The following CRABP1 variants were observed in gnomAD, a reference collection of about 807,000 sequenced individuals.
CRABP1 encodes the protein cellular retinoic acid binding protein 1.
Under a neutral mutation model 16.4 loss-of-function variants are expected in CRABP1, and 9 were observed. The observed-to-expected ratio is 0.55, with a 90% CI of 0.33 to 0.96. The LOEUF (loss-of-function observed/expected upper bound fraction) is 0.96, where lower values mean the gene tolerates loss of function less well. Ranked by LOEUF, CRABP1 falls within the 40% of genes least tolerant of loss-of-function variation. The probability of loss-of-function intolerance (pLI) is 0.03; values close to 1 mark genes in which losing one functional copy is unlikely to be tolerated. For synonymous variants in CRABP1, 72 were observed against 70.4 expected, an observed-to-expected ratio of 1.02 and a Z score of -0.11; for missense variants, 157 against 186.0, an observed-to-expected ratio of 0.84 and a Z score of 0.91.
intron 3 of CRABP1, 77 bp from the exon 4 acceptor site, chr15:78,347,850 C>A: frequency 1.5e-6 from 2 of 1,320,554 alleles, no homozygotes; most frequent in Admixed American, 1.7e-5. Context: ...CAATAAGTGG[C>A]CTTATTAGTG....
chr15:78,341,090 C>T lies in CRABP1; in HGVS notation c.118C>T (p.Pro40Ser). The change falls in exon 2 of 4, where the codon CCG becomes TCG. Residue 40 changes from proline to serine, a missense_variant. Physicochemically the swap from Pro to Ser is moderately conservative, Grantham distance 74 (BLOSUM62 -1). Coordinates refer to ENST00000299529, the MANE Select transcript of CRABP1 (RefSeq NM_004378.3). The surrounding 1 kb of genome is among the most constrained non-coding windows in gnomAD (Gnocchi z 5.3). ...RKVAVAAASK[P>S]HVEIRQDGDQ... ...AGTGGCCGTAGCGGCTGCGTCCAAG[C>T]CGCACGTGGAGATCCGCCAGGACGG... The T allele has an allele frequency of 6.2e-7, 1 of 1,612,250 alleles. No individual in the cohort carries two copies. The highest frequency in any genetic ancestry group is 8.5e-7 in the Non-Finnish European group (1 of 1,179,878).
chr15:78,343,562 G>A lies in CRABP1; in HGVS notation c.313G>A (p.Gly105Ser), dbSNP rs748886054. ...CACGCAAACTCTTCTTGAAGGGGACGGCCCCAAAACCTACTGGACCCGTGA... is the reference window on the plus strand; with the variant it reads ...CACGCAAACTCTTCTTGAAGGGGACAGCCCCAAAACCTACTGGACCCGTGA... The part of the protein sequence containing the change: ...HCTQTLLEGD[G>S]PKTYWTRELA... The change falls in exon 3 of 4, where the codon GGC (glycine) becomes AGC (serine). Residue 105 changes from glycine to serine, a missense_variant. Gly to Ser is a moderately conservative substitution (Grantham distance 56). Transcript: ENST00000299529. 11 of 1,614,030 alleles carry A rather than the reference G, an allele frequency of 6.8e-6. No homozygotes were observed. Among genetic ancestry groups the A allele is most frequent in the South Asian group, 4.4e-5 (4 of 91,088 alleles).
intron 3 of CRABP1, among the ~76,000 whole-genome samples, chr15:78,344,965 A>G (rs569840745): frequency 4.6e-5 from 7 of 152,142 alleles, no homozygotes; most frequent in Middle Eastern, 3.4e-3. Flanking sequence ...AGGGTTTTGC[A>G]ACCACCCTTT....
chr15:78,344,210 C>T (rs932333310), intron 3 of CRABP1, among the ~76,000 whole-genome samples: 1 of 152,142 alleles, frequency 6.6e-6, no homozygotes, highest in African/African-American at 2.4e-5. Context: ...ATTCAGATCC[C>T]AGCATTCTGG....
rs747789331 is a variant in CRABP1, at chr15:78,347,949, T to C, written c.386T>C (p.Val129Ala). 4 of 1,614,168 alleles carry C rather than the reference T, an allele frequency of 2.5e-6. No individual in the cohort carries two copies. The highest frequency in any genetic ancestry group is 2.5e-6 in the Non-Finnish European group (3 of 1,180,040). ...LILTFGADDV[V>A]CTRIYVRE ...CAGACGTTTGGCGCCGATGACGTGG[T>C]CTGCACCAGAATTTATGTCCGAGAG... Residue 129 changes from valine to alanine, a missense_variant, in exon 4 of 4, where the codon GTC (valine) becomes GCC (alanine). Physicochemically the swap from Val to Ala is moderately conservative, Grantham distance 64. Transcript: ENST00000299529.
rs1204819060 is a variant in CRABP1 at position 78,343,483 on chromosome 15, G to T, written c.250-16G>T. 5 of 1,603,286 alleles carry T rather than the reference G, an allele frequency of 3.1e-6. No homozygotes were observed. Among genetic ancestry groups the T allele is most frequent in the Non-Finnish European group, 3.4e-6 (4 of 1,170,592 alleles). ...GAGACTCTAATTAATGTCACTAATG[G>T]TTTTCCCGCCTGCAGAGTTTAGCCA... On this transcript the variant is annotated splice_polypyrimidine_tract_variant and intron_variant, in intron 2 of 3. Coordinates refer to ENST00000299529, the MANE Select transcript of CRABP1 (RefSeq NM_004378.3).
rs1207296926 is a variant in CRABP1 at position 78,340,436 on chromosome 15, A to G, written c.8A>G (p.Asn3Ser). 1.3e-6 allele frequency: 2 copies of G among 1,599,752 alleles called. No homozygotes were observed. Among genetic ancestry groups the G allele is most frequent in the East Asian group, 2.2e-5 (1 of 44,524 alleles). Residue 3 changes from asparagine (N) to serine (S), a missense_variant, in exon 1 of 4, where the codon AAC (asparagine) becomes AGC (serine). Coordinates refer to ENST00000299529, the MANE Select transcript of CRABP1 (RefSeq NM_004378.3). ...GCCGCCGCCACCGCCACCATGCCCA[A>G]CTTCGCCGGCACCTGGAAGATGCGC... MP[N>S]FAGTWKMRSS...
intron 2 of CRABP1, among the ~76,000 whole-genome samples, chr15:78,343,230 C>T (rs754786790): frequency 2.6e-5 from 4 of 152,094 alleles, no homozygotes; most frequent in Admixed American, 6.5e-5. Context: ...TAAAGCATGC[C>T]TAAGGCCTCG....
chr15:78,345,332 C>T (rs1312782045), intron 3 of CRABP1, among the ~76,000 whole-genome samples: 1 of 152,156 alleles, frequency 6.6e-6, no homozygotes, highest in Non-Finnish European at 1.5e-5. Flanking sequence ...TTGTCCTTCC[C>T]TGGTATGATT....
intron 3 of CRABP1, among the ~76,000 whole-genome samples, chr15:78,343,876 T>A (rs187666257): frequency 6.6e-6 from 1 of 152,226 alleles, no homozygotes; most frequent in East Asian, 1.9e-4. Context: ...CACTAATACA[T>A]CCCAGTGGCG....
Position 78,348,161 on chromosome 15 carries a change from C to T in CRABP1, c.*184C>T. The T allele has an allele frequency of 1.6e-6, 1 of 608,486 alleles. No individual in the cohort carries two copies. The highest frequency in any genetic ancestry group is 2.9e-6 in the Non-Finnish European group (1 of 343,628). The allele number at this position is 608,486 out of a possible 1,614,324, so 37.7% of individuals were successfully genotyped here. ...CCAGGCCTTGGTGCCTCTTGTATCC[C>T]TAGTGCTCCATAGTTTGGCATTTGC... On this transcript the variant is annotated 3_prime_UTR_variant, in exon 4 of 4. Coordinates refer to ENST00000299529, the MANE Select transcript of CRABP1 (RefSeq NM_004378.3).
At chr15:78,345,502 G>A (rs2050260437) in intron 3 of CRABP1, among the ~76,000 whole-genome samples, 1 of 152,188 alleles carries the variant, frequency 6.6e-6, no homozygotes, top group African/African-American at 2.4e-5. Flanking sequence ...TGGTACCAGA[G>A]ACAGCAGAGG....
At chr15:78,340,619 C>T in intron 1 of CRABP1, 121 bp downstream of exon 1, 2 of 1,128,050 alleles carry the variant, frequency 1.8e-6, no homozygotes, top group Middle Eastern at 3.0e-4. Flanking sequence ...AGGGAGTCCC[C>T]GGGGCAATAG....
intron 3 of CRABP1, among the ~76,000 whole-genome samples, chr15:78,346,259 C>A (rs1186304610): frequency 6.6e-6 from 1 of 152,062 alleles, no homozygotes; most frequent in Non-Finnish European, 1.5e-5. Context: ...AAAGTCAAGC[C>A]CCACACCCCC....
chr15:78,346,736 G>A (rs970578716), intron 3 of CRABP1, among the ~76,000 whole-genome samples: 1 of 152,200 alleles, frequency 6.6e-6, no homozygotes, highest in Non-Finnish European at 1.5e-5. Context: ...TTTCCCTGAA[G>A]CACACGTGTC....
chr15:78,342,099 ACT>A (rs1206266316), intron 2 of CRABP1, among the ~76,000 whole-genome samples: 1 of 151,388 alleles, frequency 6.6e-6, no homozygotes, highest in Admixed American at 6.6e-5. Context: ...TCGGAATGGG[ACT>A]CTCTGAGCAC....
chr15:78,341,155 C>A lies in CRABP1; in HGVS notation c.183C>A (p.Thr61=). ...TCAAGACATCCACCACGGTGCGCAC[C>A]ACTGAGATCAACTTCAAGGTCGGAG... is the stretch of plus-strand genomic sequence containing the variant. ...FYIKTSTTVR[T]TEINFKVGEG... Residue 61 remains threonine (T), a synonymous_variant, in exon 2 of 4, where the codon ACC becomes ACA. Transcript: ENST00000299529. This position sits in a 1 kb window ranked among gnomAD's most constrained non-coding sequence, Gnocchi z 5.3. 3.7e-6 allele frequency: 6 copies of A among 1,612,952 alleles called. No homozygotes were observed. Among genetic ancestry groups the A allele is most frequent in the Middle Eastern group, 1.6e-4 (1 of 6,062 alleles).
chr15:78,345,751 T>C (rs574724532), intron 3 of CRABP1, among the ~76,000 whole-genome samples: 1 of 152,210 alleles, frequency 6.6e-6, no homozygotes. Flanking sequence ...GAGTATTAAC[T>C]CTTGGCATTT....
chr15:78,346,265 C>T (rs985451808), intron 3 of CRABP1, among the ~76,000 whole-genome samples: 1 of 152,172 alleles, frequency 6.6e-6, no homozygotes, highest in African/African-American at 2.4e-5. Context: ...AAGCCCCACA[C>T]CCCCTAGCAT....
Sources: allele counts gnomAD v4.1 joint callset (sites outside exome capture counted in the v4.1 genomes callset), GRCh38; gene constraint gnomAD v4.1.1; non-coding constraint Gnocchi (gnomAD v3.1); transcripts MANE v1.5; gene names NCBI Gene and HGNC (gene_info 2026-07-23, HGNC 2026-07-21).